Variants in CLU observed in about 807,000 individuals in gnomAD.
CLU encodes aging-associated protein 4.
Under a neutral mutation model 46.4 loss-of-function variants are expected in CLU, and 25 were observed. That is an observed-to-expected ratio of 0.54 (90% CI 0.39 to 0.75). The LOEUF is 0.75. Ranked by LOEUF, CLU falls within the 30% of genes least tolerant of loss-of-function variation. CLU has a pLI of 0.00. For synonymous variants in CLU, 235 were observed against 235.1 expected, an observed-to-expected ratio of 1.00 and a Z score of 0.00; for missense variants, 504 against 592.1, an observed-to-expected ratio of 0.85 and a Z score of 1.54.
chr8:27,611,903 G>T (rs1008456416), intron 1 of CLU: 71 of 376,402 alleles, frequency 1.9e-4, no homozygotes, highest in African/African-American at 1.5e-3. Flanking sequence ...CAGGAACAGA[G>T]CCTTTGTCAT....
chr8:27,605,208 C>T lies in CLU; in HGVS notation c.545G>A (p.Arg182His), dbSNP rs201670453. 1,419 of 1,614,174 alleles carry T rather than the reference C, an allele frequency of 8.8e-4. 5 individuals carry two copies. The highest frequency in any genetic ancestry group is 1.2e-3 in the East Asian group (55 of 44,884). Reference sequence around the variant, plus strand: ...GAGCTCGTCTATGATGCTGGACGCGCGGCTGAAGTGGTCCTGCATGACATC... The same window carrying T: ...GAGCTCGTCTATGATGCTGGACGCGTGGCTGAAGTGGTCCTGCATGACATC... ...MLDVMQDHFSRASSIIDELFQ... is the reference protein window; with the variant it reads ...MLDVMQDHFSHASSIIDELFQ... The change falls in exon 5 of 9, where the codon CGC becomes CAC. Residue 182 changes from arginine (R) to histidine (H), a missense_variant. This residue lies in a region of CLU where 428 missense variants were observed against 484.0 expected (regional missense o/e 0.88). Transcript: ENST00000316403.
intron 1 of CLU, among the ~76,000 whole-genome samples, chr8:27,612,321 C>G (rs1235639787): frequency 6.6e-6 from 1 of 152,198 alleles, no homozygotes; most frequent in Non-Finnish European, 1.5e-5. Context: ...ACTTAAATAT[C>G]TGAGCCTCAG....
chr8:27,604,950 T>C lies in CLU; in HGVS notation c.803A>G (p.Gln268Arg), dbSNP rs893668692. The C allele has an allele frequency of 6.2e-7, 1 of 1,614,012 alleles. No homozygotes were observed. Among genetic ancestry groups the C allele is most frequent in the African/African-American group, 1.3e-5 (1 of 74,904 alleles). ...MDIHFHSPAF[Q>R]HPPTEFIREG... is the part of the protein sequence containing the mutation. ...TCGTATGAATTCTGTTGGCGGGTGC[T>C]GGAAGGCCGGGCTATGGAAGTGGAT... Residue 268 changes from glutamine (Q) to arginine (R), a missense_variant, in exon 5 of 9, where the codon CAG becomes CGG. Physicochemically the swap from Gln to Arg is conservative, Grantham distance 43 (BLOSUM62 1). This residue lies in a region of CLU where 428 missense variants were observed against 484.0 expected (regional missense o/e 0.88). Coordinates refer to ENST00000316403, the MANE Select transcript of CLU (RefSeq NM_001831.4).
chr8:27,611,845 C>T, intron 1 of CLU: 1 of 441,534 alleles, frequency 2.3e-6, no homozygotes, highest in Non-Finnish European at 4.6e-6. Context: ...AGGCTGTGGT[C>T]TCACGGGCTC....
chr8:27,608,163 G>A (rs1353498414), intron 3 of CLU, among the ~76,000 whole-genome samples: 1 of 152,092 alleles, frequency 6.6e-6, no homozygotes, highest in Non-Finnish European at 1.5e-5. Flanking sequence ...GGCTCCTATG[G>A]AGCTGTGCTC....
intron 2 of CLU, among the ~76,000 whole-genome samples, chr8:27,610,261 A>C (rs1277531911): frequency 1.3e-5 from 2 of 152,190 alleles, no homozygotes; most frequent in African/African-American, 4.8e-5. Context: ...AATGCCTGCA[A>C]ATGCCGGCAG....
intron 1 of CLU, chr8:27,613,779 G>A (rs1167779082): frequency 6.6e-6 from 1 of 152,108 alleles, no homozygotes; most frequent in African/African-American, 2.4e-5. Context: ...TTTCAGTTGT[G>A]CCCAATGCTC....
rs774235625 is a variant in CLU, at chr8:27,605,244, G to A, written c.509C>T (p.Thr170Met). The A allele has an allele frequency of 6.2e-6, 10 of 1,614,186 alleles. No individual in the cohort carries two copies. Among genetic ancestry groups the A allele is most frequent in the Non-Finnish European group, 7.6e-6 (9 of 1,180,030 alleles). ...DSLLENDRQQ[T>M]HMLDVMQDHF... ...GTCCTGCATGACATCCAGCATGTGC[G>A]TCTGCTGCCGGTCGTTCTCCAGCAG... is the stretch of plus-strand genomic sequence containing the variant. The change falls in exon 5 of 9, where the codon ACG becomes ATG. Residue 170 changes from threonine (T) to methionine (M), a missense_variant. By Grantham distance (81) the Thr-to-Met change is moderately conservative. Around this residue, in one of 3 missense-constraint regions of CLU, gnomAD observed 428 missense variants for 484.0 expected, o/e 0.88. Transcript: ENST00000316403.
At chr8:27,607,871 A>T (rs1301941144) in intron 3 of CLU, among the ~76,000 whole-genome samples, 1 of 151,998 alleles carries the variant, frequency 6.6e-6, no homozygotes, top group Admixed American at 6.6e-5. Context: ...CACAAGCGCC[A>T]CCCCTGCTAC....
At chr8:27,608,881 C>T (rs1585255760) in intron 3 of CLU, 57 bp downstream of exon 3, 1 of 1,603,106 alleles carries the variant, frequency 6.2e-7, no homozygotes, top group Admixed American at 1.7e-5. Flanking sequence ...CAGTGACCCC[C>T]TCCCTCCCCT....
intron 5 of CLU, among the ~76,000 whole-genome samples, 200 bp from the exon 6 acceptor site, chr8:27,604,595 C>T (rs1341433081): frequency 6.6e-6 from 1 of 152,208 alleles, no homozygotes; most frequent in Non-Finnish European, 1.5e-5. Context: ...GCCTCAGCCT[C>T]CCGAGTAGCT....
rs9331943 is a variant in CLU at position 27,597,515 on chromosome 8, C to A, written c.*726G>T. ...AATCAACAGCTTTTACAAATAAAAC[C>A]GCTGCAAAAGCAATAGCTCTTACAA... On this transcript the variant is annotated 3_prime_UTR_variant, in exon 9 of 9. Coordinates refer to ENST00000316403, the MANE Select transcript of CLU (RefSeq NM_001831.4). 1 of 454,146 alleles carries A rather than the reference C, an allele frequency of 2.2e-6. No individual in the cohort carries two copies. 28.1% of individuals were successfully genotyped at this position (454,146 alleles called of 1,614,324 possible).
At chr8:27,609,760 G>A (rs1381093933) in intron 2 of CLU, among the ~76,000 whole-genome samples, 1 of 152,166 alleles carries the variant, frequency 6.6e-6, no homozygotes, top group Admixed American at 6.5e-5. Context: ...GGTAGGAGGA[G>A]TATGTTCTGG....
At chr8:27,603,296 A>G (rs1232043895) in intron 6 of CLU, among the ~76,000 whole-genome samples, 2 of 152,242 alleles carry the variant, frequency 1.3e-5, no homozygotes, top group Non-Finnish European at 2.9e-5. Context: ...GCACTCATCT[A>G]CAGCAACTTA....
chr8:27,600,637 GAC>G (rs1315790248), intron 6 of CLU, among the ~76,000 whole-genome samples: 7 of 152,110 alleles, frequency 4.6e-5, no homozygotes, highest in Non-Finnish European at 8.8e-5. Flanking sequence ...AAACTGTGTT[GAC>G]CACACTTCCA....
chr8:27,608,954 G>A lies in CLU; in HGVS notation c.230C>T (p.Ala77Val). The change falls in exon 3 of 9, where the codon GCC becomes GTC. Residue 77 changes from alanine (A) to valine (V), a missense_variant. Ala to Val is a moderately conservative substitution (Grantham distance 64). Coordinates refer to ENST00000316403, the MANE Select transcript of CLU (RefSeq NM_001831.4). ...RKTLLSNLEE[A>V]KKKKEDALNE... ...CCTCCTGACCTCTTTCTTCTTCTTG[G>A]CTTCTTCTAGGTTGCTGAGCAGTGT... 1 of 1,614,156 alleles carries A rather than the reference G, an allele frequency of 6.2e-7. No individual in the cohort carries two copies. Among genetic ancestry groups the A allele is most frequent in the South Asian group, 1.1e-5 (1 of 91,088 alleles).
At chr8:27,604,438 C>T (rs1800779042) in intron 5 of CLU, 43 bp from the exon 6 acceptor site, 2 of 1,389,868 alleles carry the variant, frequency 1.4e-6, no homozygotes, top group East Asian at 4.6e-5. Flanking sequence ...TCCAGCCATG[C>T]AGAGATGGAC....
intron 8 of CLU, 79 bp downstream of exon 8, chr8:27,598,381 C>G: frequency 6.2e-7 from 1 of 1,602,362 alleles, no homozygotes; most frequent in Non-Finnish European, 8.5e-7. Flanking sequence ...GCTATAGAGT[C>G]TGCACTTTGT....
intron 4 of CLU, 129 bp downstream of exon 4, chr8:27,606,225 G>A: frequency 9.9e-7 from 1 of 1,006,726 alleles, no homozygotes; most frequent in Non-Finnish European, 1.5e-6. Flanking sequence ...ATTACCAATG[G>A]AGCATGGCAC....
Sources: gnomAD v4.1 joint callset for allele counts (sites outside exome capture counted in the v4.1 genomes callset) on GRCh38, gnomAD v4.1.1 for gene constraint, gnomAD v4.1.1 regional missense constraint, MANE v1.5 for transcripts, NCBI Gene and HGNC (gene_info 2026-07-23, HGNC 2026-07-21) for gene names.